Variants in ENOX1 observed in about 807,000 individuals in gnomAD.
The protein encoded by ENOX1 is candidate growth-related and time keeping constitutive hydroquinone (NADH) oxidase.
ENOX1 carries 42 observed loss-of-function variants against 82.5 expected under a neutral mutation model. The ratio of observed to expected loss-of-function variants is 0.51; its 90% CI spans 0.40 to 0.66. ENOX1 has a LOEUF of 0.66. Ranked by LOEUF, ENOX1 falls within the 30% of genes least tolerant of loss-of-function variation. ENOX1 has a pLI of 0.00. For synonymous variants in ENOX1, 271 were observed against 282.2 expected (o/e 0.96, Z 0.40); for missense variants, 608 against 811.6 (o/e 0.75, Z 3.05).
At position 43,754,353 on chromosome 13, in the gene ENOX1, A is replaced by AT. The variant is rs202164871; in HGVS notation, c.-285+32298dup. ...TATATATATATTATTATTATTATTT[A>AT]TTTTTTTTTTTTACTGTCACCCAGG... On this transcript the variant is annotated intron_variant, in intron 1 of 16. Transcript: ENST00000690772. Among the ~76,000 whole-genome samples, 253 of 138,866 alleles carry AT rather than the reference A, an allele frequency of 1.8e-3. 2 individuals carry two copies. The highest frequency in any genetic ancestry group is 4.4e-3 in the African/African-American group (169 of 38,068). 91.1% of individuals were successfully genotyped at this position (138,866 alleles called of 152,430 possible). A position where few individuals can be genotyped will look rare whatever the true frequency, so the allele number is the denominator to read the frequency against.
Position 43,636,119 on chromosome 13 carries a change from G to A in ENOX1, c.-219+31360C>T, listed in dbSNP as rs1017068642. 8.5e-5 allele frequency among the ~76,000 whole-genome samples: 13 copies of A among 152,170 alleles called. No homozygotes were observed. The South Asian group carries it at 1.0e-3, about 12-fold the overall frequency. ...CAGGCTGCCTGAGGTTGGAGAACTC[G>A]GGCACAGAAGTTTTGCTGTAACTAA... is the stretch of plus-strand genomic sequence containing the variant. On this transcript the variant is annotated intron_variant, in intron 2 of 16. Transcript: ENST00000690772.
chr13:43,345,145 T>G (rs1566563951), intron 8 of ENOX1, among the ~76,000 whole-genome samples: 1 of 152,232 alleles, frequency 6.6e-6, no homozygotes, highest in Non-Finnish European at 1.5e-5. Flanking sequence ...ATCAAAAATA[T>G]TATACAGTGT....
chr13:43,293,000 C>G (rs903061436), intron 12 of ENOX1, among the ~76,000 whole-genome samples: 2 of 151,850 alleles, frequency 1.3e-5, no homozygotes, highest in African/African-American at 4.8e-5. Flanking sequence ...ATCACCACAA[C>G]CAACATTAGC....
intron 2 of ENOX1, among the ~76,000 whole-genome samples, chr13:43,536,058 C>T (rs1003010742): frequency 3.9e-5 from 6 of 152,134 alleles, no homozygotes; most frequent in Non-Finnish European, 8.8e-5. Context: ...CATTCAGCGG[C>T]AGGAAAAATT....
chr13:43,410,123 G>A (rs2054034334), intron 5 of ENOX1, among the ~76,000 whole-genome samples: 1 of 152,152 alleles, frequency 6.6e-6, no homozygotes, highest in Admixed American at 6.6e-5. Flanking sequence ...TAAAACGTCA[G>A]AAGACTCAAA....
intron 2 of ENOX1, among the ~76,000 whole-genome samples, chr13:43,521,113 G>C (rs190439955): frequency 6.6e-6 from 1 of 152,088 alleles, no homozygotes; most frequent in Non-Finnish European, 1.5e-5. Flanking sequence ...CTCTTATTTG[G>C]AGCTGTGTGA....
chr13:43,373,327 A>T (rs953326899), intron 5 of ENOX1, among the ~76,000 whole-genome samples: 1 of 152,176 alleles, frequency 6.6e-6, no homozygotes, highest in Non-Finnish European at 1.5e-5. Flanking sequence ...CTCCAAGGGA[A>T]ATCAGAAACC....
chr13:43,637,884 C>T (rs1294917367), intron 2 of ENOX1, among the ~76,000 whole-genome samples: 3 of 152,108 alleles, frequency 2.0e-5, no homozygotes, highest in African/African-American at 7.2e-5. Flanking sequence ...AATTTGAAAT[C>T]CATCATTACA....
At chr13:43,491,001 T>C (rs1421670545) in intron 2 of ENOX1, among the ~76,000 whole-genome samples, 7 of 152,290 alleles carry the variant, frequency 4.6e-5, no homozygotes, top group South Asian at 2.1e-4. Context: ...TAAAGAAACA[T>C]CTGAGGCTGG....
At chr13:43,271,845 A>G (rs1373567) in intron 12 of ENOX1, among the ~76,000 whole-genome samples, 28,038 of 151,892 alleles carry the variant, frequency 0.18, 2,762 homozygotes, top group Non-Finnish European at 0.21. Context: ...TGTAGTGTCT[A>G]GATTTTTATT....
At chr13:43,563,119 AC>A (rs1282491710) in intron 2 of ENOX1, among the ~76,000 whole-genome samples, 1 of 152,186 alleles carries the variant, frequency 6.6e-6, no homozygotes, top group Non-Finnish European at 1.5e-5. Context: ...ATTCTCAAAG[AC>A]AGACCATATG....
chr13:43,601,937 T>C (rs1200355678), intron 2 of ENOX1, among the ~76,000 whole-genome samples: 2 of 152,048 alleles, frequency 1.3e-5, no homozygotes, highest in Non-Finnish European at 2.9e-5. Flanking sequence ...TATCCTAGAA[T>C]AGTATATCCA....
chr13:43,269,644 T>G, intron 12 of ENOX1, 67 bp from the exon 13 acceptor site: 1 of 1,206,522 alleles, frequency 8.3e-7, no homozygotes, highest in Non-Finnish European at 1.2e-6. Context: ...ATATCCACAA[T>G]ACCCATTCAA....
At chr13:43,528,874 T>G (rs1410201971) in intron 2 of ENOX1, among the ~76,000 whole-genome samples, 1 of 152,020 alleles carries the variant, frequency 6.6e-6, no homozygotes, top group African/African-American at 2.4e-5. Flanking sequence ...GGAAAGTGAT[T>G]GACCCACTTA....
intron 1 of ENOX1, among the ~76,000 whole-genome samples, chr13:43,774,322 G>A (rs945856718): frequency 2.0e-5 from 3 of 152,190 alleles, no homozygotes; most frequent in Non-Finnish European, 4.4e-5. Flanking sequence ...GAAAAAGGGT[G>A]TATAGAGTAC....
At chr13:43,594,691 C>T (rs1161086414) in intron 2 of ENOX1, among the ~76,000 whole-genome samples, 2 of 152,144 alleles carry the variant, frequency 1.3e-5, no homozygotes, top group Admixed American at 1.3e-4. Context: ...AGGGAGAGAA[C>T]TTACTTAATG....
At chr13:43,615,458 C>T (rs2082366600) in intron 2 of ENOX1, among the ~76,000 whole-genome samples, 1 of 152,090 alleles carries the variant, frequency 6.6e-6, no homozygotes, top group Non-Finnish European at 1.5e-5. Context: ...CTTCCAAGGA[C>T]CAGGAACTAA....
intron 2 of ENOX1, among the ~76,000 whole-genome samples, chr13:43,533,981 G>A (rs2078343075): frequency 6.6e-6 from 1 of 152,106 alleles, no homozygotes; most frequent in African/African-American, 2.4e-5. Context: ...CATTGATGCT[G>A]TTTATTCCGT....
At chr13:43,317,093 AC>A (rs765505503) in intron 11 of ENOX1, among the ~76,000 whole-genome samples, 2 of 152,028 alleles carry the variant, frequency 1.3e-5, no homozygotes, top group African/African-American at 2.4e-5. Flanking sequence ...CAACACAGAC[AC>A]CCCTGCCCTT....
Sources: gnomAD v4.1 joint callset for allele counts (sites outside exome capture counted in the v4.1 genomes callset) on GRCh38, gnomAD v4.1.1 for gene constraint, MANE v1.5 for transcripts, NCBI Gene and HGNC (gene_info 2026-07-23, HGNC 2026-07-21) for gene names.